The following ADK variants were observed in gnomAD, a reference collection of about 807,000 sequenced individuals.
ADK encodes the protein adenosine kinase.
ADK carries 24 observed loss-of-function variants against 44.7 expected under a neutral mutation model. The observed-to-expected ratio is 0.54, with a 90% CI of 0.39 to 0.76. The LOEUF is 0.76. Among genes scored for constraint, ADK ranks in the 30% least tolerant of loss-of-function variants. The pLI, the probability that ADK is intolerant of heterozygous loss-of-function variation, is 0.00. For synonymous variants in ADK, 128 were observed against 142.6 expected, an observed-to-expected ratio of 0.90 and a Z score of 0.73; for missense variants, 321 against 425.1, an observed-to-expected ratio of 0.76 and a Z score of 2.15.
At chr10:74,382,742 G>T (rs570253956) in intron 4 of ADK, among the ~76,000 whole-genome samples, 11 of 152,146 alleles carry the variant, frequency 7.2e-5, no homozygotes, top group African/African-American at 2.6e-4. Flanking sequence ...TTAATTTGAT[G>T]AATTTGACTC....
intron 7 of ADK, among the ~76,000 whole-genome samples, chr10:74,537,068 A>C (rs911529753): frequency 6.6e-6 from 1 of 152,170 alleles, no homozygotes. Flanking sequence ...TCCTACCATC[A>C]ATACACAAGG....
At chr10:74,348,218 C>T (rs1841842080) in intron 4 of ADK, among the ~76,000 whole-genome samples, 2 of 152,226 alleles carry the variant, frequency 1.3e-5, no homozygotes, top group East Asian at 1.9e-4. Flanking sequence ...CCCTCTGGGA[C>T]GAAGCTTCTA....
chr10:74,177,021 T>C, intron 1 of ADK: 1 of 1,260,198 alleles, frequency 7.9e-7, no homozygotes, highest in Admixed American at 2.0e-5. Context: ...GGGGGTTCCC[T>C]CCGCACTTTT....
chr10:74,439,078 C>T (rs1277903892), intron 6 of ADK, among the ~76,000 whole-genome samples: 1 of 152,140 alleles, frequency 6.6e-6, no homozygotes, highest in Non-Finnish European at 1.5e-5. Context: ...GTAAGCAATT[C>T]TGTGTGTACT....
intron 5 of ADK, among the ~76,000 whole-genome samples, chr10:74,395,880 GT>G (rs1217537902): frequency 6.6e-6 from 1 of 151,854 alleles, no homozygotes; most frequent in African/African-American, 2.4e-5. Flanking sequence ...TTAGCCAGGT[GT>G]GCACCTGTAA....
chr10:74,560,474 A>C (rs1850418077), intron 7 of ADK, among the ~76,000 whole-genome samples: 1 of 152,234 alleles, frequency 6.6e-6, no homozygotes, highest in Admixed American at 6.5e-5. Flanking sequence ...TCTTATTTGC[A>C]ACAATGATGC....
chr10:74,493,336 A>G (rs1210291331), intron 6 of ADK, among the ~76,000 whole-genome samples: 1 of 151,388 alleles, frequency 6.6e-6, no homozygotes, highest in Non-Finnish European at 1.5e-5. Context: ...GTGTGCACCA[A>G]CACACCCAGC....
chr10:74,502,141 T>C (rs1057129896), intron 6 of ADK, among the ~76,000 whole-genome samples: 3 of 152,134 alleles, frequency 2.0e-5, no homozygotes, highest in African/African-American at 7.2e-5. Context: ...GATTGCCTAG[T>C]AGCTAGTCCA....
chr10:74,373,123 GAAAAA>G (rs1212324517), intron 4 of ADK, among the ~76,000 whole-genome samples: 1 of 141,708 alleles, frequency 7.1e-6, no homozygotes, highest in Non-Finnish European at 1.6e-5. Context: ...ATCCATATGG[GAAAAA>G]AAAAAAGCTG....
chr10:74,195,367 A>G (rs1259873410), intron 1 of ADK, among the ~76,000 whole-genome samples: 1 of 152,232 alleles, frequency 6.6e-6, no homozygotes, highest in Non-Finnish European at 1.5e-5. Context: ...AATCTCAATT[A>G]TGTGCAGTGA....
chr10:74,494,817 C>T (rs1263642575), intron 6 of ADK, among the ~76,000 whole-genome samples: 1 of 152,106 alleles, frequency 6.6e-6, no homozygotes, highest in Non-Finnish European at 1.5e-5. Flanking sequence ...GGTGAGCCAC[C>T]ACACCCGGCC....
chr10:74,318,196 C>T (rs1840692056), intron 4 of ADK, among the ~76,000 whole-genome samples: 1 of 152,172 alleles, frequency 6.6e-6, no homozygotes, highest in Non-Finnish European at 1.5e-5. Context: ...ATCTCTTGCT[C>T]TGTTGCCTAG....
intron 3 of ADK, among the ~76,000 whole-genome samples, chr10:74,256,601 A>G (rs1013476048): frequency 1.1e-4 from 17 of 152,136 alleles, no homozygotes; most frequent in Admixed American, 9.2e-4. Flanking sequence ...CCAGTGCAAG[A>G]CTGTCCAGAC....
chr10:74,652,046 C>CTTTTTTTTT (rs1401635840), intron 9 of ADK, among the ~76,000 whole-genome samples: 1 of 138,552 alleles, frequency 7.2e-6, no homozygotes, highest in African/African-American at 2.8e-5. Context: ...AACTTTCTTT[C>CTTTTTTTTT]TTTCTTTTTT....
At chr10:74,612,814 G>C (rs1339731457) in intron 9 of ADK, among the ~76,000 whole-genome samples, 2 of 152,008 alleles carry the variant, frequency 1.3e-5, no homozygotes, top group African/African-American at 4.8e-5. Flanking sequence ...TATGGTGAGA[G>C]GTAGGGGTCC....
intron 9 of ADK, among the ~76,000 whole-genome samples, chr10:74,636,292 C>T (rs1282061044): frequency 2.0e-5 from 3 of 152,062 alleles, no homozygotes; most frequent in African/African-American, 4.8e-5. Context: ...TTAGATTACA[C>T]TGAGATTTGA....
intron 7 of ADK, among the ~76,000 whole-genome samples, chr10:74,547,949 C>T (rs182637188): frequency 3.9e-5 from 6 of 152,256 alleles, no homozygotes; most frequent in East Asian, 3.9e-4. Context: ...TGAGCCACCG[C>T]GCCCGGCCTA....
chr10:74,274,542 C>T (rs1005965132), intron 3 of ADK, among the ~76,000 whole-genome samples: 2 of 150,018 alleles, frequency 1.3e-5, no homozygotes, highest in African/African-American at 2.5e-5. Context: ...CCAGCCTGGG[C>T]GACAAGAGCA....
chr10:74,576,751 G>C (rs183228962), intron 7 of ADK, among the ~76,000 whole-genome samples: 1 of 152,156 alleles, frequency 6.6e-6, no homozygotes, highest in African/African-American at 2.4e-5. Flanking sequence ...CCACTACTTT[G>C]TAACCACCTA....
Sources: allele counts gnomAD v4.1 joint callset (sites outside exome capture counted in the v4.1 genomes callset), GRCh38; gene constraint gnomAD v4.1.1; transcripts MANE v1.5; gene names NCBI Gene and HGNC (gene_info 2026-07-23, HGNC 2026-07-21).